ACOXL: variants seen among roughly 807,000 people sequenced by gnomAD.
The protein encoded by ACOXL is acyl-CoA oxidase like.
Under a neutral mutation model 71.9 loss-of-function variants are expected in ACOXL, and 70 were observed. The ratio of observed to expected loss-of-function variants is 0.97; its 90% CI spans 0.80 to 1.19. The LOEUF is 1.19. Ranked by LOEUF, ACOXL falls within the 50% of genes most tolerant of loss-of-function variation. The pLI is 0.00. For missense variants in ACOXL, 703 were observed against 736.3 expected (o/e 0.95, Z 0.52); for synonymous variants, 253 against 281.6 (o/e 0.90, Z 1.02).
chr2:110,837,966 C>G (rs1209114190), intron 9 of ACOXL, among the ~76,000 whole-genome samples: 1 of 152,168 alleles, frequency 6.6e-6, no homozygotes, highest in Non-Finnish European at 1.5e-5. Context: ...GCCTCCCTCC[C>G]CTCTCTCTTC....
rs193275553 is a variant in ACOXL at position 110,926,307 on chromosome 2, C to T, written c.906-7182C>T. ...GCAAGGCCTCAATTTTTAAAAAGTG[C>T]GATATCTGCAAAATGCAATTAAATG... is the stretch of plus-strand genomic sequence containing the variant. On this transcript the variant is annotated intron_variant, in intron 11 of 17. Coordinates refer to ENST00000439055, the MANE Select transcript of ACOXL (RefSeq NM_001142807.4). Among the ~76,000 whole-genome samples the T allele has an allele frequency of 1.2e-3, 177 of 152,212 alleles. 1 individual carries two copies. The highest frequency in any genetic ancestry group is 4.0e-3 in the African/African-American group (166 of 41,546).
At chr2:110,842,319 G>T (rs557870628) in intron 10 of ACOXL, among the ~76,000 whole-genome samples, 21 of 152,290 alleles carry the variant, frequency 1.4e-4, no homozygotes, top group African/African-American at 5.1e-4. Flanking sequence ...AGGTTCTCAT[G>T]TGGGACATTT....
Position 111,040,259 on chromosome 2 carries a change from A to G in ACOXL, c.1369+8545A>G, listed in dbSNP as rs184465193. On this transcript the variant is annotated intron_variant, in intron 15 of 17. Coordinates refer to ENST00000439055, the MANE Select transcript of ACOXL (RefSeq NM_001142807.4). ...GTTGGTCCTATGGAATAGAATCACA[A>G]TATTGCCTCAGACCATAGGACCAAT... Among the ~76,000 whole-genome samples the G allele has an allele frequency of 2.7e-3, 410 of 152,320 alleles. 2 individuals are homozygous for G. The highest frequency in any genetic ancestry group is 3.7e-3 in the Non-Finnish European group (253 of 68,028).
intron 9 of ACOXL, among the ~76,000 whole-genome samples, chr2:110,832,667 C>T (rs1689990835): frequency 6.6e-6 from 1 of 151,304 alleles, no homozygotes; most frequent in African/African-American, 2.4e-5. Context: ...AAAATATTTA[C>T]AAATCACATA....
At chr2:110,832,966 ACATTT>A (rs1214343068) in intron 9 of ACOXL, among the ~76,000 whole-genome samples, 2 of 152,254 alleles carry the variant, frequency 1.3e-5, no homozygotes, top group Non-Finnish European at 1.5e-5. Context: ...CATCACTGGT[ACATTT>A]CTGGTGAGAT....
At chr2:110,949,461 G>A (rs2061244246) in intron 12 of ACOXL, among the ~76,000 whole-genome samples, 1 of 152,046 alleles carries the variant, frequency 6.6e-6, no homozygotes, top group Non-Finnish European at 1.5e-5. Context: ...CCAAAGTTCT[G>A]GGGCTCTGGA....
chr2:110,845,660 A>G (rs1691743475), intron 10 of ACOXL, among the ~76,000 whole-genome samples: 1 of 152,148 alleles, frequency 6.6e-6, no homozygotes, highest in Non-Finnish European at 1.5e-5. Context: ...TATTCTAGGG[A>G]CTTTATATTA....
intron 14 of ACOXL, among the ~76,000 whole-genome samples, chr2:111,026,426 G>A (rs1273059585): frequency 1.3e-5 from 2 of 150,682 alleles, no homozygotes; most frequent in African/African-American, 2.4e-5. Flanking sequence ...ATAGTTCTCC[G>A]TTTTTTTAAG....
chr2:110,903,302 TC>T (rs2059316106), intron 10 of ACOXL, among the ~76,000 whole-genome samples: 1 of 152,250 alleles, frequency 6.6e-6, no homozygotes, highest in Non-Finnish European at 1.5e-5. Flanking sequence ...CCATGTCACA[TC>T]CGACGAATAT....
At chr2:110,801,781 A>G (rs1686035134) in intron 8 of ACOXL, 57 bp downstream of exon 8, 6 of 1,526,722 alleles carry the variant, frequency 3.9e-6, no homozygotes, top group East Asian at 4.5e-5. Context: ...CTGCTCTCCA[A>G]AGTTGGCTTG....
intron 12 of ACOXL, among the ~76,000 whole-genome samples, chr2:110,965,898 T>C (rs557613712): frequency 4.1e-4 from 63 of 152,248 alleles, no homozygotes; most frequent in African/African-American, 1.5e-3. Context: ...GTATCTCTAA[T>C]AGGCACACAC....
intron 15 of ACOXL, among the ~76,000 whole-genome samples, chr2:111,044,217 C>T (rs2065912478): frequency 6.6e-6 from 1 of 152,240 alleles, no homozygotes; most frequent in South Asian, 2.1e-4. Context: ...CTGTGCAGAT[C>T]ATCTGGTCTA....
chr2:111,002,314 A>T (rs1301576409), intron 14 of ACOXL, among the ~76,000 whole-genome samples: 1 of 152,232 alleles, frequency 6.6e-6, no homozygotes, highest in Non-Finnish European at 1.5e-5. Context: ...AGCAATAGGT[A>T]ACTAATATAA....
At chr2:111,014,108 C>A (rs1438880829) in intron 14 of ACOXL, among the ~76,000 whole-genome samples, 1 of 152,078 alleles carries the variant, frequency 6.6e-6, no homozygotes, top group African/African-American at 2.4e-5. Flanking sequence ...TACAAAAGAA[C>A]CTACAGCTAA....
intron 11 of ACOXL, among the ~76,000 whole-genome samples, chr2:110,911,502 T>C (rs1458255888): frequency 6.6e-6 from 1 of 151,784 alleles, no homozygotes; most frequent in African/African-American, 2.4e-5. Context: ...CAGCAACATA[T>C]AAAAAGGAGT....
At chr2:110,843,357 C>T (rs1316067860) in intron 10 of ACOXL, among the ~76,000 whole-genome samples, 1 of 152,220 alleles carries the variant, frequency 6.6e-6, no homozygotes, top group East Asian at 1.9e-4. Context: ...CTTAAACCAT[C>T]CTCATTCCTC....
intron 9 of ACOXL, among the ~76,000 whole-genome samples, chr2:110,828,488 A>G (rs571502483): frequency 1.3e-5 from 2 of 151,982 alleles, no homozygotes; most frequent in Admixed American, 1.3e-4. Flanking sequence ...CTGTGAGTGC[A>G]CTCTTCTTGC....
intron 15 of ACOXL, among the ~76,000 whole-genome samples, chr2:111,039,497 G>A (rs2065675291): frequency 6.6e-6 from 1 of 152,170 alleles, no homozygotes; most frequent in Non-Finnish European, 1.5e-5. Context: ...ATGTTAGAGG[G>A]GGAATATGTT....
intron 1 of ACOXL, among the ~76,000 whole-genome samples, chr2:110,750,168 T>C (rs548749836): frequency 6.6e-6 from 1 of 152,230 alleles, no homozygotes; most frequent in East Asian, 1.9e-4. Flanking sequence ...TCAAGTTGGG[T>C]GAGTGGGTAG....
Sources: allele counts gnomAD v4.1 joint callset (sites outside exome capture counted in the v4.1 genomes callset), GRCh38; gene constraint gnomAD v4.1.1; transcripts MANE v1.5; gene names NCBI Gene and HGNC (gene_info 2026-07-23, HGNC 2026-07-21).